PIN4: variants seen among roughly 807,000 people sequenced by gnomAD.
The protein encoded by PIN4 is peptidyl-prolyl cis-trans isomerase NIMA-interacting 4.
In PIN4, 3 loss-of-function variants were observed where a neutral mutation model predicts 8.3. The ratio of observed to expected loss-of-function variants is 0.36; its 90% CI spans 0.16 to 0.93. The LOEUF (loss-of-function observed/expected upper bound fraction) is 0.93. Among genes scored for constraint, PIN4 ranks in the 40% least tolerant of loss-of-function variants. PIN4 has a pLI of 0.44. For missense variants in PIN4, 75 were observed against 100.6 expected, an observed-to-expected ratio of 0.75 and a Z score of 1.09; for synonymous variants, 18 against 32.5, an observed-to-expected ratio of 0.55 and a Z score of 1.52.
intron 3 of PIN4, among the ~76,000 whole-genome samples, chrX:72,260,425 T>C (rs1184916651): frequency 2.7e-5 from 3 of 112,467 alleles, no homozygotes; most frequent in African/African-American, 9.7e-5. Context: ...CACTCTGTCC[T>C]CCCTCAAATA....
chrX:72,205,410 T>C (rs749268820), intron 3 of PIN4: 48 of 1,210,623 alleles, frequency 4.0e-5, no homozygotes, highest in Non-Finnish European at 5.1e-5. Flanking sequence ...GACCCTTTGC[T>C]TCACTGCTGT....
intron 3 of PIN4, among the ~76,000 whole-genome samples, chrX:72,236,133 G>A (rs967562166): frequency 1.8e-5 from 2 of 110,540 alleles, no homozygotes; most frequent in African/African-American, 6.6e-5. Flanking sequence ...ATGCTTGAAC[G>A]GTGGTGTAAT....
rs143780574 is a variant in PIN4, at chrX:72,206,248, T to C, written c.312+9344T>C. On this transcript the variant is annotated intron_variant, in intron 3 of 3. Coordinates refer to the PIN4 transcript ENST00000423432. ...TAATGTCTCTTTTTGTACAGCTTCA[T>C]TTTTAGTTGCAAAGCTTTTTTCCAT... 1.1e-4 allele frequency: 135 copies of C among 1,207,091 alleles called. No individual in the cohort carries two copies. In the African/African-American group the frequency reaches 2.0e-3, roughly 18 times the overall value.
chrX:72,240,571 G>A (rs1355904689), intron 3 of PIN4, among the ~76,000 whole-genome samples: 1 of 111,013 alleles, frequency 9.0e-6, no homozygotes. Context: ...CACTTTGGGA[G>A]GCCGAGGCGG....
chrX:72,259,955 T>G (rs1191145955), intron 3 of PIN4, among the ~76,000 whole-genome samples: 4 of 107,740 alleles, frequency 3.7e-5, no homozygotes, highest in African/African-American at 6.8e-5. Flanking sequence ...GCCAGGCTGG[T>G]CTTGAACTCC....
At chrX:72,221,671 G>A (rs1244130645) in intron 3 of PIN4, among the ~76,000 whole-genome samples, 1 of 111,111 alleles carries the variant, frequency 9.0e-6, no homozygotes, top group Non-Finnish European at 1.9e-5. Context: ...GCCGATGGTT[G>A]GAAAATGTCA....
intron 1 of PIN4, 32 bp from the exon 2 acceptor site, chrX:72,186,429 T>C: frequency 9.7e-7 from 1 of 1,028,367 alleles, no homozygotes; most frequent in Non-Finnish European, 1.4e-6. Context: ...GAGGTGCAGT[T>C]TAAATGAGTA....
At chrX:72,207,788 T>G (rs1004045390) in intron 3 of PIN4, 2 of 1,210,539 alleles carry the variant, frequency 1.7e-6, no homozygotes, top group Non-Finnish European at 2.2e-6. Context: ...TTAGTCCTCC[T>G]GAGAAAATAG....
downstream of PIN4, among the ~76,000 whole-genome samples, chrX:72,200,361 A>G (rs1441590497): frequency 2.7e-5 from 3 of 111,881 alleles, no homozygotes; most frequent in Non-Finnish European, 5.6e-5. Context: ...TATGTGTCAG[A>G]TTGGTAAAGT....
intron 3 of PIN4, among the ~76,000 whole-genome samples, chrX:72,224,952 C>A (rs1339851788): frequency 1.8e-5 from 2 of 111,032 alleles, no homozygotes; most frequent in African/African-American, 6.6e-5. Flanking sequence ...TGACTTTTGG[C>A]TGCCAATATT....
At chrX:72,214,673 A>C (rs1415522822) in intron 3 of PIN4, among the ~76,000 whole-genome samples, 1 of 77,792 alleles carries the variant, frequency 1.3e-5, no homozygotes, top group East Asian at 9.1e-4. Flanking sequence ...ACTCCATCTC[A>C]AAAAAAAAAA....
chrX:72,193,563 T>A (rs545838529), intron 2 of PIN4, among the ~76,000 whole-genome samples: 13 of 110,616 alleles, frequency 1.2e-4, no homozygotes, highest in African/African-American at 3.0e-4. Flanking sequence ...AAAAAAAAAA[T>A]TTTAAATAGA....
At chrX:72,210,835 G>A (rs775329862) in intron 3 of PIN4, among the ~76,000 whole-genome samples, 66 of 111,711 alleles carry the variant, frequency 5.9e-4, no homozygotes, top group Non-Finnish European at 1.2e-3. Flanking sequence ...GGGTTAAACC[G>A]CTGCTGTGAG....
intron 2 of PIN4, among the ~76,000 whole-genome samples, chrX:72,194,897 G>A (rs141159021): frequency 0.026 from 2,885 of 110,488 alleles, 44 homozygotes; most frequent in Admixed American, 0.039. Flanking sequence ...TCTATGTTTA[G>A]ATACCCAAAT....
downstream of PIN4, among the ~76,000 whole-genome samples, chrX:72,200,375 G>C (rs2042785751): frequency 9.0e-6 from 1 of 111,541 alleles, no homozygotes; most frequent in Non-Finnish European, 1.9e-5. Context: ...GTAAAGTTCA[G>C]AAAGTTTAAC....
At position 72,238,917 on chromosome X, in the gene PIN4, T is replaced by C. The variant is rs1056617433; in HGVS notation, c.313-23790T>C. 6 of 1,187,821 alleles carry C rather than the reference T, an allele frequency of 5.1e-6. No individual in the cohort carries two copies. The Middle Eastern group carries it at 6.9e-4, about 137-fold the overall frequency. The stretch of plus-strand genomic sequence containing the variant: ...AACCTTCGGGATGCCTCCATGACCC[T>C]CGGATTGGGTTCCAGTTACCCCGGC... On this transcript the variant is annotated intron_variant, in intron 3 of 3. Transcript: ENST00000423432.
At chrX:72,259,201 AATAG>A (rs2043126717) in intron 3 of PIN4, among the ~76,000 whole-genome samples, 1 of 106,637 alleles carries the variant, frequency 9.4e-6, no homozygotes. Flanking sequence ...GCTAACACTC[AATAG>A]AGTTTACTAC....
At chrX:72,200,798 G>T (rs1319826599), downstream of PIN4, among the ~76,000 whole-genome samples, 1 of 112,274 alleles carries the variant, frequency 8.9e-6, no homozygotes, top group Non-Finnish European at 1.9e-5. Flanking sequence ...CTCCAGGACA[G>T]GAGGGCAAGA....
chrX:72,197,803 A>G lies in PIN4; in HGVS notation c.*277A>G, dbSNP rs1219288448. 1.2e-6 allele frequency: 1 copy of G among 811,418 alleles called. No individual in the cohort carries two copies. The highest frequency in any genetic ancestry group is 2.2e-5 in the African/African-American group (1 of 46,498). 66.9% of individuals were successfully genotyped at this position (811,418 alleles called of 1,213,427 possible). On this transcript the variant is annotated 3_prime_UTR_variant, in exon 4 of 4. Transcript: ENST00000373669. ...CTGTATTCTCTTTCCTCCCAGAACT[A>G]TATCTGACTCTCAGTCTGTCCCATA...
Sources: allele counts gnomAD v4.1 joint callset (sites outside exome capture counted in the v4.1 genomes callset), GRCh38; gene constraint gnomAD v4.1.1; transcripts MANE v1.5; gene names NCBI Gene and HGNC (gene_info 2026-07-23, HGNC 2026-07-21).